The following SWAP70 variants were observed in gnomAD, a reference collection of about 807,000 sequenced individuals.
SWAP70 encodes the protein switch-associated protein 70.
Under a neutral mutation model 80.2 loss-of-function variants are expected in SWAP70, and 34 were observed. The observed-to-expected ratio is 0.42, with a 90% confidence interval of 0.32 to 0.56. The LOEUF (loss-of-function observed/expected upper bound fraction) is 0.56, where lower values mean the gene tolerates loss of function less well. Ranked by LOEUF, SWAP70 falls within the 20% of genes least tolerant of loss-of-function variation. The pLI is 0.09. For missense variants in SWAP70, 578 were observed against 690.7 expected (o/e 0.84, Z 1.83); for synonymous variants, 239 against 238.5 (o/e 1.00, Z -0.02).
chr11:9,671,602 T>TTC lies in SWAP70; in HGVS notation c.99+7325_99+7326insCT, dbSNP rs1554982515. Among the ~76,000 whole-genome samples, 25 of 66,728 alleles carry TTC rather than the reference T, an allele frequency of 3.7e-4. 1 individual carries two copies. Among genetic ancestry groups the TTC allele is most frequent in the Non-Finnish European group, 6.7e-4 (24 of 35,930 alleles). 43.8% of individuals were successfully genotyped at this position (66,728 alleles called of 152,430 possible). A position where few individuals can be genotyped will look rare whatever the true frequency, so the allele number is the denominator to read the frequency against. ...AATATATTTCTATATATAAATATAT[T>TTC]TATATAGAAATATATTTCTATATAA... On this transcript the variant is annotated intron_variant, in intron 1 of 11. Transcript: ENST00000318950.
intron 2 of SWAP70, among the ~76,000 whole-genome samples, chr11:9,705,278 C>T (rs370360933): frequency 7.5e-6 from 1 of 133,904 alleles, no homozygotes. Flanking sequence ...TATGTATACA[C>T]TGGTGATATG....
intron 3 of SWAP70, chr11:9,720,456 A>G: frequency 1.0e-6 from 1 of 985,418 alleles, no homozygotes. Context: ...TGAAGCTTGG[A>G]GTGTGAATGA....
intron 11 of SWAP70, 32 bp from the exon 12 acceptor site, chr11:9,749,832 C>A: frequency 7.3e-7 from 1 of 1,370,348 alleles, no homozygotes; most frequent in Non-Finnish European, 1.0e-6. Flanking sequence ...GAATATAATA[C>A]TTCCTGTATT....
intron 1 of SWAP70, among the ~76,000 whole-genome samples, chr11:9,678,494 T>G (rs202082044): frequency 4.0e-5 from 6 of 148,194 alleles, no homozygotes; most frequent in Non-Finnish European, 7.5e-5. Flanking sequence ...TTTTTTTTTT[T>G]GGGAAATACA....
Position 9,695,783 on chromosome 11 carries a change from G to A in SWAP70, c.240+1497G>A, listed in dbSNP as rs76272457. On this transcript the variant is annotated intron_variant, in intron 2 of 11. Transcript: ENST00000318950. The stretch of plus-strand genomic sequence containing the variant: ...TGTTTTTAGAAGAAAAAAAAATCTG[G>A]TTTCATATATACTGGCAATAGTTGT... Among the ~76,000 whole-genome samples the A allele has an allele frequency of 5.0e-3, 765 of 152,080 alleles. 8 individuals are homozygous for A. The highest frequency in any genetic ancestry group is 0.018 in the African/African-American group (739 of 41,480).
intron 3 of SWAP70, among the ~76,000 whole-genome samples, chr11:9,723,600 C>A (rs181445547): frequency 1.8e-4 from 27 of 151,976 alleles, no homozygotes; most frequent in African/African-American, 6.3e-4. Context: ...AATAATACAG[C>A]GGGGAAGCCA....
Position 9,728,098 on chromosome 11 carries a change from A to C in SWAP70, c.688A>C (p.Arg230=), listed in dbSNP as rs397686. The C allele has an allele frequency of 0.33, 533,271 of 1,611,280 alleles. 90,429 individuals are homozygous for C. Among genetic ancestry groups the C allele is most frequent in the Non-Finnish European group, 0.35 (407,309 of 1,178,674 alleles). ...KGHRRKNWTE[R]WFVLKPNIIS... ...CCACAGACGGAAAAACTGGACTGAA[A>C]GATGGTTTGTACTAAAACCCAACAT... is the stretch of plus-strand genomic sequence containing the variant. Residue 230 remains arginine, a synonymous_variant, in exon 5 of 12, where the codon AGA becomes CGA. Coordinates refer to ENST00000318950, the MANE Select transcript of SWAP70 (RefSeq NM_015055.4).
Position 9,738,292 on chromosome 11 carries a change from T to A in SWAP70, c.1160T>A (p.Phe387Tyr), listed in dbSNP as rs777169442. The A allele has an allele frequency of 1.9e-6, 3 of 1,609,904 alleles. No homozygotes were observed. The South Asian group carries it at 3.3e-5, about 18-fold the overall frequency. The change falls in exon 8 of 12, where the codon TTC becomes TAC. Residue 387 changes from phenylalanine (F) to tyrosine (Y), a missense_variant. Transcript: ENST00000318950. ...ACTCAAGTGGAACTTCAGGCCAGGT[T>A]CAGCACAGAGCTGGAAAGAGAGAAG... ...LQTQVELQAR[F>Y]STELEREKLI...
chr11:9,698,183 C>T (rs1320533848), intron 2 of SWAP70, among the ~76,000 whole-genome samples: 1 of 150,544 alleles, frequency 6.6e-6, no homozygotes, highest in Admixed American at 6.7e-5. Context: ...TCACTGCATC[C>T]TCCGCCTCCT....
intron 7 of SWAP70, among the ~76,000 whole-genome samples, chr11:9,736,050 T>G (rs1851359412): frequency 6.6e-6 from 1 of 152,168 alleles, no homozygotes. Flanking sequence ...ATTTTTCTTC[T>G]TTTTTATTTT....
chr11:9,711,219 T>C (rs920207084), intron 2 of SWAP70, among the ~76,000 whole-genome samples: 31 of 152,136 alleles, frequency 2.0e-4, no homozygotes, highest in Admixed American at 6.6e-5. Flanking sequence ...ACTGCACTGG[T>C]GCAGAATGTG....
At chr11:9,727,775 A>G (rs1484995012) in intron 4 of SWAP70, among the ~76,000 whole-genome samples, 1 of 152,168 alleles carries the variant, frequency 6.6e-6, no homozygotes, top group Admixed American at 6.5e-5. Flanking sequence ...GAAATCTCAA[A>G]TGCTACTTAA....
intron 10 of SWAP70, 27 bp from the exon 11 acceptor site, chr11:9,749,060 A>C (rs780895872): frequency 6.6e-7 from 1 of 1,524,782 alleles, no homozygotes; most frequent in Non-Finnish European, 9.1e-7. Context: ...GTGTGTCTGC[A>C]TAGTCCAAAA....
At chr11:9,703,869 T>C (rs2134458758) in intron 2 of SWAP70, among the ~76,000 whole-genome samples, 1 of 152,332 alleles carries the variant, frequency 6.6e-6, no homozygotes, top group African/African-American at 2.4e-5. Flanking sequence ...ATGTGAGTTG[T>C]AATAAAATAT....
Position 9,752,462 on chromosome 11 carries a change from A to G in SWAP70, c.*2492A>G, listed in dbSNP as rs1851603740. 6.6e-6 allele frequency: 1 copy of G among 152,280 alleles called. No homozygotes were observed. Among genetic ancestry groups the G allele is most frequent in the South Asian group, 2.1e-4 (1 of 4,838 alleles). The allele number at this position is 152,280 out of a possible 1,614,324, so 9.4% of individuals were successfully genotyped here. A position where few individuals can be genotyped will look rare whatever the true frequency, so the allele number is the denominator to read the frequency against. ...GTTACCGATTTACATCTTGGTTTTCAGTGGCACTATGTCTAGGAGGCAATA... is the reference window on the plus strand; with the variant it reads ...GTTACCGATTTACATCTTGGTTTTCGGTGGCACTATGTCTAGGAGGCAATA... On this transcript the variant is annotated 3_prime_UTR_variant, in exon 12 of 12. Coordinates refer to ENST00000318950, the MANE Select transcript of SWAP70 (RefSeq NM_015055.4).
At chr11:9,720,262 G>T (rs1851117972) in intron 3 of SWAP70, 1 of 985,326 alleles carries the variant, frequency 1.0e-6, no homozygotes, top group South Asian at 4.7e-5. Context: ...TTAGTTGTCT[G>T]GCACAGTCAC....
Position 9,725,561 on chromosome 11 carries a change from A to T in SWAP70, c.642+676A>T, listed in dbSNP as rs1393478811. Among the ~76,000 whole-genome samples, 54 of 16,102 alleles carry T rather than the reference A, an allele frequency of 3.4e-3. 1 individual carries two copies. The highest frequency in any genetic ancestry group is 0.015 in the African/African-American group (52 of 3,498). 10.6% of individuals were successfully genotyped at this position (16,102 alleles called of 152,430 possible). ...TATATATATATATATATATATATAT[A>T]TATATATATTTTTTTTTTTTTTTTT... On this transcript the variant is annotated intron_variant, in intron 4 of 11. Transcript: ENST00000318950.
intron 6 of SWAP70, among the ~76,000 whole-genome samples, chr11:9,731,606 C>G (rs533005912): frequency 6.6e-6 from 1 of 152,210 alleles, no homozygotes; most frequent in African/African-American, 2.4e-5. Flanking sequence ...GTGTGCCATG[C>G]AGTACTTTAT....
At chr11:9,706,020 G>A (rs71463735) in intron 2 of SWAP70, among the ~76,000 whole-genome samples, 1 of 12,574 alleles carries the variant, frequency 8.0e-5, no homozygotes, top group Non-Finnish European at 2.3e-4. Flanking sequence ...GGTGATCTGT[G>A]TATACTTGGT....
Sources: gnomAD v4.1 joint callset for allele counts (sites outside exome capture counted in the v4.1 genomes callset) on GRCh38, gnomAD v4.1.1 for gene constraint, MANE v1.5 for transcripts, NCBI Gene and HGNC (gene_info 2026-07-23, HGNC 2026-07-21) for gene names.